The following APPL2 variants were observed in gnomAD, a reference collection of about 807,000 sequenced individuals.
APPL2 encodes DCC-interacting protein 13-beta.
Under a neutral mutation model 92.7 loss-of-function variants are expected in APPL2, and 84 were observed. The observed-to-expected ratio is 0.91, with a 90% CI of 0.76 to 1.09. The LOEUF (loss-of-function observed/expected upper bound fraction) is 1.09. Among genes scored for constraint, APPL2 ranks in the 50% least tolerant of loss-of-function variants. APPL2 has a pLI of 0.00. For missense variants in APPL2, 736 were observed against 824.5 expected, an observed-to-expected ratio of 0.89 and a Z score of 1.31; for synonymous variants, 291 against 291.0, an observed-to-expected ratio of 1.00 and a Z score of 0.00.
intron 2 of APPL2, among the ~76,000 whole-genome samples, chr12:105,221,424 T>C (rs550030447): frequency 6.6e-6 from 1 of 152,332 alleles, no homozygotes; most frequent in Admixed American, 6.5e-5. Context: ...TAAATAACTT[T>C]CTAAAGCCAC....
intron 4 of APPL2, among the ~76,000 whole-genome samples, chr12:105,214,515 T>C (rs1170144504): frequency 6.6e-6 from 1 of 152,246 alleles, no homozygotes; most frequent in Non-Finnish European, 1.5e-5. Context: ...TTTCAACACA[T>C]CTGAGAGAGA....
intron 11 of APPL2, among the ~76,000 whole-genome samples, chr12:105,197,108 C>T (rs1213946861): frequency 6.6e-6 from 1 of 152,012 alleles, no homozygotes; most frequent in African/African-American, 2.4e-5. Context: ...AACCCTGAAG[C>T]CCCTCCATGG....
At chr12:105,214,418 A>G (rs1029662368) in intron 4 of APPL2, among the ~76,000 whole-genome samples, 6 of 152,154 alleles carry the variant, frequency 3.9e-5, no homozygotes, top group African/African-American at 1.4e-4. Context: ...TTATCTTTCT[A>G]CTGTTCATTA....
intron 1 of APPL2, among the ~76,000 whole-genome samples, chr12:105,235,546 T>C (rs1891176890): frequency 6.6e-6 from 1 of 152,224 alleles, no homozygotes; most frequent in Non-Finnish European, 1.5e-5. Flanking sequence ...TTTACAGGTA[T>C]TTCTCATTGA....
intron 14 of APPL2, among the ~76,000 whole-genome samples, chr12:105,191,351 T>A (rs1204310398): frequency 6.6e-6 from 1 of 152,168 alleles, no homozygotes; most frequent in Admixed American, 6.5e-5. Context: ...GGAGAGTGCA[T>A]CTCCAGGATG....
At chr12:105,217,613 T>C in intron 3 of APPL2, 53 bp downstream of exon 3, 1 of 1,565,524 alleles carries the variant, frequency 6.4e-7, no homozygotes, top group Non-Finnish European at 8.8e-7. Context: ...ATAATTCCAC[T>C]TAAGAAAGTC....
At chr12:105,229,860 C>T (rs1890792464) in intron 1 of APPL2, 1 of 668,618 alleles carries the variant, frequency 1.5e-6, no homozygotes, top group Middle Eastern at 7.5e-4. Context: ...CTCACTGCAA[C>T]CTCTGCTTCC....
chr12:105,220,913 T>C (rs1890050474), intron 2 of APPL2, among the ~76,000 whole-genome samples: 1 of 152,212 alleles, frequency 6.6e-6, no homozygotes, highest in Non-Finnish European at 1.5e-5. Flanking sequence ...AGGAATACCA[T>C]TTGAAAATGC....
At chr12:105,218,164 A>G (rs753753804) in intron 2 of APPL2, among the ~76,000 whole-genome samples, 1 of 152,216 alleles carries the variant, frequency 6.6e-6, no homozygotes, top group Non-Finnish European at 1.5e-5. Context: ...AGCTAAAAGA[A>G]AAAAGAAGAA....
intron 9 of APPL2, among the ~76,000 whole-genome samples, chr12:105,200,785 G>A (rs1165165734): frequency 6.6e-6 from 1 of 152,098 alleles, no homozygotes; most frequent in East Asian, 1.9e-4. Flanking sequence ...CTCTTCTGGA[G>A]GTAAGGAACG....
At chr12:105,212,056 T>A (rs1889267353) in intron 4 of APPL2, among the ~76,000 whole-genome samples, 1 of 140,584 alleles carries the variant, frequency 7.1e-6, no homozygotes, top group South Asian at 2.3e-4. Context: ...GAGGTGGAGC[T>A]TGCAGTGAGC....
rs188176849 is a variant in APPL2 at position 105,199,091 on chromosome 12, G to A, written c.863+282C>T. On this transcript the variant is annotated intron_variant, in intron 10 of 20. Coordinates refer to ENST00000258530, the MANE Select transcript of APPL2 (RefSeq NM_018171.5). ...TAAAAACTGTCAGTGGTCCAGGACGGCAACAGTTAAGAGTGGTCTGTTTGC... is the reference window on the plus strand; with the variant it reads ...TAAAAACTGTCAGTGGTCCAGGACGACAACAGTTAAGAGTGGTCTGTTTGC... 6.4e-4 allele frequency among the ~76,000 whole-genome samples: 97 copies of A among 152,292 alleles called. No homozygotes were observed. In the East Asian group the frequency reaches 0.011, roughly 17 times the overall value.
At chr12:105,201,740 A>G (rs1354740044) in intron 9 of APPL2, among the ~76,000 whole-genome samples, 2 of 152,228 alleles carry the variant, frequency 1.3e-5, no homozygotes, top group Non-Finnish European at 1.5e-5. Flanking sequence ...ACATATATAT[A>G]AAATTATATA....
In APPL2 at chr12:105,207,060, C is replaced by T; in HGVS notation, c.621+1G>A. ...CAGCCCTCAGGGAGGGACTCCCCTA[C>T]CTGTCCATGGGCAAAGCCTATCATG... is the stretch of plus-strand genomic sequence containing the variant. On this transcript the variant is annotated splice_donor_variant, in intron 8 of 20. Coordinates refer to ENST00000258530, the MANE Select transcript of APPL2 (RefSeq NM_018171.5). LOFTEE classifies it high-confidence loss of function. 3 of 1,613,316 alleles carry T rather than the reference C, an allele frequency of 1.9e-6. No individual in the cohort carries two copies. The highest frequency in any genetic ancestry group is 1.1e-5 in the South Asian group (1 of 90,894).
At chr12:105,182,530 G>C (rs1447519710) in intron 17 of APPL2, among the ~76,000 whole-genome samples, 1 of 152,182 alleles carries the variant, frequency 6.6e-6, no homozygotes, top group African/African-American at 2.4e-5. Context: ...AGTCATTCAG[G>C]AACAGGTTGT....
intron 4 of APPL2, among the ~76,000 whole-genome samples, chr12:105,216,094 T>C (rs147369588): frequency 6.6e-6 from 1 of 152,362 alleles, no homozygotes; most frequent in African/African-American, 2.4e-5. Flanking sequence ...CCAGCACTAG[T>C]AGCATCTGAG....
chr12:105,203,629 C>T lies in APPL2; in HGVS notation c.704+74G>A, dbSNP rs909416254. On this transcript the variant is annotated intron_variant, in intron 9 of 20. Coordinates refer to ENST00000258530, the MANE Select transcript of APPL2 (RefSeq NM_018171.5). ...GACCCTCCACAGTTAGAACCCTCCC[C>T]GTGACCTCCCAGAGATGTCAGATCA... 9.9e-6 allele frequency: 14 copies of T among 1,417,150 alleles called. No individual in the cohort carries two copies. The African/African-American group carries it at 1.3e-4, about 13-fold the overall frequency. 87.8% of individuals were successfully genotyped at this position (1,417,150 alleles called of 1,614,324 possible).
At chr12:105,213,926 C>A (rs1199266831) in intron 4 of APPL2, among the ~76,000 whole-genome samples, 1 of 152,202 alleles carries the variant, frequency 6.6e-6, no homozygotes. Context: ...GTGGCTCACA[C>A]CTGTAATCTC....
In APPL2 at chr12:105,195,461, A is replaced by G; in HGVS notation, c.1136T>C (p.Leu379Pro). ...AINNISRQIYLTDNPEAVAIK... is the reference protein window; with the variant it reads ...AINNISRQIYPTDNPEAVAIK... Reference sequence around the variant, plus strand: ...GATAATTACCTCAGGGTTGTCGGTCAGGTAGATCTGTCTGGAGATGTTGTT... The same window carrying G: ...GATAATTACCTCAGGGTTGTCGGTCGGGTAGATCTGTCTGGAGATGTTGTT... Residue 379 changes from leucine to proline, a missense_variant, in exon 13 of 21, where the codon CTG becomes CCG. Physicochemically the swap from Leu to Pro is moderately conservative, Grantham distance 98. Transcript: ENST00000258530. 1 of 1,614,228 alleles carries G rather than the reference A, an allele frequency of 6.2e-7. No homozygotes were observed. Among genetic ancestry groups the G allele is most frequent in the Admixed American group, 1.7e-5 (1 of 60,022 alleles).
Sources: gnomAD v4.1 joint callset for allele counts (sites outside exome capture counted in the v4.1 genomes callset) on GRCh38, gnomAD v4.1.1 for gene constraint, MANE v1.5 for transcripts, NCBI Gene and HGNC (gene_info 2026-07-23, HGNC 2026-07-21) for gene names.